TENM3: variants seen among roughly 807,000 people sequenced by gnomAD.
TENM3 encodes the protein teneurin transmembrane protein 3, also known as teneurin-3.
TENM3 carries 63 observed loss-of-function variants against 255.1 expected under a neutral mutation model. The ratio of observed to expected loss-of-function variants is 0.25; its 90% CI spans 0.20 to 0.30. The LOEUF is 0.30. TENM3 is among the 10% of genes least tolerant of loss of function. The probability of loss-of-function intolerance (pLI) is 1.00; values close to 1 mark genes in which losing one functional copy is unlikely to be tolerated. For missense variants in TENM3, 2,929 were observed against 3,461.1 expected (o/e 0.85, Z 3.86); for synonymous variants, 1,306 against 1,322.3 (o/e 0.99, Z 0.27).
At chr4:181,579,052 G>T in the TENM3 span, among the ~76,000 whole-genome samples, 1 of 152,102 alleles carries the variant, frequency 6.6e-6, no homozygotes, top group East Asian at 1.9e-4. Context: ...TCCCATCCCT[G>T]CCTGGGCTTC....
the TENM3 span, among the ~76,000 whole-genome samples, chr4:182,057,249 A>G: frequency 3.3e-5 from 5 of 151,838 alleles, no homozygotes; most frequent in South Asian, 6.3e-4. Flanking sequence ...GGGATTGAAC[A>G]CCGGAGGAAT....
chr4:182,006,368 G>A, the TENM3 span, among the ~76,000 whole-genome samples: 1 of 152,068 alleles, frequency 6.6e-6, no homozygotes, highest in Non-Finnish European at 1.5e-5. Context: ...GGGCTTTTTT[G>A]GTTGGTAGGT....
intron 6 of TENM3, among the ~76,000 whole-genome samples, chr4:182,660,659 TTCG>T (rs1232568883): frequency 3.9e-5 from 6 of 152,270 alleles, no homozygotes; most frequent in Admixed American, 6.5e-5. Flanking sequence ...ATCCCCATCA[TTCG>T]TTATTTATAT....
rs571456874 is a variant in TENM3, at chr4:182,533,320, G to T, written c.512-67604G>T. Among the ~76,000 whole-genome samples, 3 of 152,112 alleles carry T rather than the reference G, an allele frequency of 2.0e-5. No homozygotes were observed. In the South Asian group the frequency reaches 6.2e-4, roughly 32 times the overall value. ...AGTCCCAAGCACTTTGAGAGGCTGA[G>T]GTGGGAGGATTGCTTTAGCCCAGGA... is the stretch of plus-strand genomic sequence containing the variant. On this transcript the variant is annotated intron_variant, in intron 3 of 27. Transcript: ENST00000511685.
the TENM3 span, among the ~76,000 whole-genome samples, chr4:181,923,340 G>A: frequency 2.6e-5 from 4 of 152,082 alleles, no homozygotes; most frequent in Admixed American, 2.6e-4. Flanking sequence ...ATGAAAAAAG[G>A]TTGGAAAAGA....
the TENM3 span, among the ~76,000 whole-genome samples, chr4:181,693,046 G>A: frequency 6.6e-6 from 1 of 152,140 alleles, no homozygotes; most frequent in African/African-American, 2.4e-5. Context: ...CAAAGAGTCA[G>A]GCTGTGCTCG....
chr4:182,773,461 C>G lies in TENM3; in HGVS notation c.4893-11C>G. The G allele has an allele frequency of 6.2e-7, 1 of 1,601,918 alleles. No individual in the cohort carries two copies. The highest frequency in any genetic ancestry group is 2.2e-5 in the East Asian group (1 of 44,628). On this transcript the variant is annotated splice_polypyrimidine_tract_variant and intron_variant, in intron 22 of 27. Transcript: ENST00000511685. The stretch of plus-strand genomic sequence containing the variant: ...CCTATTTAACACCAAGTTAATGCCT[C>G]TTGTATTTAGCTATGACAGTGAAGG...
chr4:182,209,855 C>G (rs535573570), intron 1 of TENM3, among the ~76,000 whole-genome samples: 1 of 152,124 alleles, frequency 6.6e-6, no homozygotes, highest in South Asian at 2.1e-4. Flanking sequence ...GGCTCTCTCT[C>G]TCAGTTGATG....
chr4:182,599,744 A>G (rs963290386), intron 3 of TENM3, among the ~76,000 whole-genome samples: 3 of 152,338 alleles, frequency 2.0e-5, no homozygotes, highest in Admixed American at 2.0e-4. Context: ...GGAAGCTAGT[A>G]CTTGTGTTTC....
intron 1 of TENM3, among the ~76,000 whole-genome samples, chr4:182,221,793 AT>A: frequency 6.6e-6 from 1 of 152,294 alleles, no homozygotes; most frequent in East Asian, 1.9e-4. Flanking sequence ...CAAATAAGAC[AT>A]TTTCAGCGTA....
the TENM3 span, among the ~76,000 whole-genome samples, chr4:182,128,245 A>G: frequency 6.6e-6 from 1 of 151,312 alleles, no homozygotes; most frequent in East Asian, 1.9e-4. Context: ...TTTTTTTTCT[A>G]TGTAGGCATT....
chr4:182,244,850 T>C (rs1757538281), intron 1 of TENM3, among the ~76,000 whole-genome samples: 2 of 152,238 alleles, frequency 1.3e-5, no homozygotes, highest in South Asian at 4.1e-4. Flanking sequence ...CTCATGCAAA[T>C]CAAATCATGT....
intron 5 of TENM3, among the ~76,000 whole-genome samples, chr4:182,641,021 A>C (rs187951981): frequency 5.9e-5 from 9 of 152,272 alleles, no homozygotes; most frequent in African/African-American, 1.9e-4. Context: ...TCTGCTTCTC[A>C]CAGCCAGCTG....
Position 182,507,901 on chromosome 4 carries a change from G to GATGAAT in TENM3, c.512-93020_512-93015dup, listed in dbSNP as rs1223892942. Among the ~76,000 whole-genome samples, 12 of 152,240 alleles carry GATGAAT rather than the reference G, an allele frequency of 7.9e-5. No individual in the cohort carries two copies. In the East Asian group the frequency reaches 2.3e-3, roughly 29 times the overall value. On this transcript the variant is annotated intron_variant, in intron 3 of 27. Transcript: ENST00000511685. ...CACTAATTATTTCACATACTTAAGT[G>GATGAAT]ATGAATATATTAGTATCTTAAATTC...
At chr4:181,546,695 C>G in the TENM3 span, among the ~76,000 whole-genome samples, 1 of 126,368 alleles carries the variant, frequency 7.9e-6, no homozygotes, top group Non-Finnish European at 1.6e-5. Flanking sequence ...GCCTGGGCGA[C>G]AGAGCGAGAC....
chr4:182,390,267 A>G (rs1237301423), intron 3 of TENM3, among the ~76,000 whole-genome samples: 1 of 152,210 alleles, frequency 6.6e-6, no homozygotes, highest in Non-Finnish European at 1.5e-5. Context: ...AGTGTTTTAA[A>G]GGAGAGCAGC....
At chr4:182,608,601 C>T (rs937786211) in intron 4 of TENM3, among the ~76,000 whole-genome samples, 18 of 152,316 alleles carry the variant, frequency 1.2e-4, no homozygotes, top group African/African-American at 4.3e-4. Flanking sequence ...GAGCGCCCTG[C>T]TCGTCCGCTT....
chr4:182,713,957 A>G (rs1162940830), intron 12 of TENM3, 130 bp from the exon 13 acceptor site: 1 of 695,392 alleles, frequency 1.4e-6, no homozygotes, highest in African/African-American at 1.8e-5. Context: ...TGCTGTTTCT[A>G]TCCATGTGCA....
intron 3 of TENM3, among the ~76,000 whole-genome samples, chr4:182,397,711 C>T (rs964287076): frequency 3.3e-5 from 5 of 152,116 alleles, no homozygotes; most frequent in Admixed American, 2.0e-4. Flanking sequence ...TCTCAACCTT[C>T]GGTGAGCACG....
Sources: allele counts gnomAD v4.1 joint callset (sites outside exome capture counted in the v4.1 genomes callset), GRCh38; gene constraint gnomAD v4.1.1; transcripts MANE v1.5; gene names NCBI Gene and HGNC (gene_info 2026-07-23, HGNC 2026-07-21).